The following ANTXRL variants were observed in gnomAD, a reference collection of about 807,000 sequenced individuals.
The protein encoded by ANTXRL is ANTXR like.
ANTXRL carries 63 observed loss-of-function variants against 75.4 expected under a neutral mutation model. The ratio of observed to expected loss-of-function variants is 0.84; its 90% CI spans 0.68 to 1.03. ANTXRL has a LOEUF of 1.03. Ranked by LOEUF, ANTXRL falls within the 50% of genes least tolerant of loss-of-function variation. The pLI is 0.00. For synonymous variants in ANTXRL, 335 were observed against 291.3 expected, an observed-to-expected ratio of 1.15 and a Z score of -1.53; for missense variants, 797 against 789.4, an observed-to-expected ratio of 1.01 and a Z score of -0.12.
chr10:46,306,960 C>T (rs1465028964), intron 11 of ANTXRL, 88 bp downstream of exon 11: 2 of 1,125,688 alleles, frequency 1.8e-6, no homozygotes, highest in Admixed American at 5.5e-5. Context: ...GGATGCCCCC[C>T]ACCCCCTGCT....
intron 1 of ANTXRL, among the ~76,000 whole-genome samples, chr10:46,291,753 T>C (rs1554956545): frequency 6.6e-6 from 1 of 152,138 alleles, no homozygotes; most frequent in Non-Finnish European, 1.5e-5. Flanking sequence ...TCTCTCCCAT[T>C]TCCACTCTAC....
chr10:46,293,507 C>CTGTG (rs781800090), intron 2 of ANTXRL, among the ~76,000 whole-genome samples: 960 of 87,782 alleles, frequency 0.011, 8 homozygotes, highest in Middle Eastern at 0.035. Context: ...GTGTGTGCAC[C>CTGTG]TGTGTGTGTG....
At chr10:46,308,076 C>T (rs542844792) in intron 12 of ANTXRL, among the ~76,000 whole-genome samples, 22 of 152,290 alleles carry the variant, frequency 1.4e-4, no homozygotes, top group African/African-American at 5.1e-4. Context: ...TGGCCCAGGG[C>T]CGCATAGGCA....
intron 10 of ANTXRL, among the ~76,000 whole-genome samples, chr10:46,306,248 A>G (rs1838076920): frequency 6.6e-6 from 1 of 152,206 alleles, no homozygotes; most frequent in South Asian, 2.1e-4. Flanking sequence ...TTGCAACACT[A>G]CACAAAATAA....
chr10:46,300,983 T>C, intron 9 of ANTXRL, among the ~76,000 whole-genome samples: 1 of 149,284 alleles, frequency 6.7e-6, no homozygotes, highest in African/African-American at 2.5e-5. Flanking sequence ...CCTTTATCTC[T>C]CCCACCCCCC....
intron 16 of ANTXRL, among the ~76,000 whole-genome samples, chr10:46,315,018 A>G (rs1165786088): frequency 6.6e-6 from 1 of 152,202 alleles, no homozygotes; most frequent in African/African-American, 2.4e-5. Context: ...TTTCTGTCGG[A>G]TACCCAAGAA....
intron 1 of ANTXRL, among the ~76,000 whole-genome samples, chr10:46,288,271 A>G (rs1411127155): frequency 6.6e-6 from 1 of 152,092 alleles, no homozygotes; most frequent in Non-Finnish European, 1.5e-5. Context: ...CTGGCCTCCA[A>G]AGCCCTTCCC....
rs7093005 is a variant in ANTXRL at position 46,302,836 on chromosome 10, T to A, written c.895+16T>A. ...ACTATCATTGGTAAGTTGTCTCCTC[T>A]GTGCCTCTGAGTCACGTATTTCCCA... On this transcript the variant is annotated intron_variant, in intron 10 of 16. Transcript: ENST00000620264. The A allele has an allele frequency of 0.031, 47,375 of 1,504,482 alleles. 1,689 individuals are homozygous for A. The highest frequency in any genetic ancestry group is 0.17 in the African/African-American group (12,395 of 72,306). 93.2% of individuals were successfully genotyped at this position (1,504,482 alleles called of 1,614,324 possible).
chr10:46,327,944 A>C (rs1433896222), intron 16 of ANTXRL, among the ~76,000 whole-genome samples: 1 of 152,124 alleles, frequency 6.6e-6, no homozygotes, highest in African/African-American at 2.4e-5. Flanking sequence ...CACATCACAG[A>C]TGGGGAGGTC....
At chr10:46,299,829 G>T (rs1383342818) in intron 9 of ANTXRL, among the ~76,000 whole-genome samples, 1 of 152,160 alleles carries the variant, frequency 6.6e-6, no homozygotes, top group African/African-American at 2.4e-5. Context: ...GAGCTGGCAG[G>T]TCCCTGAAAC....
Position 46,310,454 on chromosome 10 carries a change from A to G in ANTXRL, c.1135-7A>G. On this transcript the variant is annotated splice_region_variant and splice_polypyrimidine_tract_variant and intron_variant, in intron 13 of 16. Transcript: ENST00000620264. ...CAGCCTGTGTTTGTCTCTTTTGAAC[A>G]TTCTAGACTGTCAAGGAGCCACCAC... 2 of 1,536,290 alleles carry G rather than the reference A, an allele frequency of 1.3e-6. No individual in the cohort carries two copies. Among genetic ancestry groups the G allele is most frequent in the Non-Finnish European group, 1.7e-6 (2 of 1,146,796 alleles).
At chr10:46,306,399 A>G (rs1349252045) in intron 10 of ANTXRL, among the ~76,000 whole-genome samples, 1 of 152,180 alleles carries the variant, frequency 6.6e-6, no homozygotes, top group African/African-American at 2.4e-5. Flanking sequence ...ATGTTCCTCT[A>G]GACCAGAAAT....
chr10:46,308,632 G>A, intron 12 of ANTXRL: 1 of 350,986 alleles, frequency 2.8e-6, no homozygotes, highest in South Asian at 2.2e-5. Context: ...CCTCACAAGT[G>A]CCCCCAGGGA....
chr10:46,318,405 A>G (rs1379342132), intron 16 of ANTXRL, among the ~76,000 whole-genome samples: 2 of 152,114 alleles, frequency 1.3e-5, no homozygotes, highest in African/African-American at 2.4e-5. Flanking sequence ...CTAGAGCACA[A>G]TGTCAACTTT....
At chr10:46,286,573 A>C (rs1194222551), upstream of ANTXRL, 1 of 152,316 alleles carries the variant, frequency 6.6e-6, no homozygotes. Context: ...GCATAATAAA[A>C]TGGGCCTGTT....
intron 10 of ANTXRL, among the ~76,000 whole-genome samples, chr10:46,305,480 G>A (rs781811724): frequency 6.6e-6 from 1 of 152,182 alleles, no homozygotes; most frequent in Non-Finnish European, 1.5e-5. Flanking sequence ...TGCCATAATT[G>A]TTTTGAAATC....
At position 46,313,475 on chromosome 10, in the gene ANTXRL, G is replaced by A. The variant is rs576742043; in HGVS notation, c.1410+159G>A. 7.4e-4 allele frequency among the ~76,000 whole-genome samples: 113 copies of A among 152,300 alleles called. 1 individual carries two copies. Among genetic ancestry groups the A allele is most frequent in the Middle Eastern group, 6.8e-3 (2 of 294 alleles). On this transcript the variant is annotated intron_variant, in intron 16 of 16. Coordinates refer to ENST00000620264, the MANE Select transcript of ANTXRL (RefSeq NM_001278688.3). ...ACGGTGCCCATGGGCATCCCAGCCA[G>A]TTTCTGGACATGGCATCAAAGCTCT...
chr10:46,307,480 T>A lies in ANTXRL; in HGVS notation c.1044T>A (p.Cys348Ter). Residue 348 changes from cysteine to a stop codon, truncating the protein, a stop_gained and splice_region_variant, in exon 12 of 17, where the codon TGT becomes TGA. Transcript: ENST00000620264. LOFTEE classifies it high-confidence loss of function. ...KSNVSITSTTCGIFRNWLYFV... is the reference protein window; with the variant it reads ...KSNVSITSTT The stretch of plus-strand genomic sequence containing the variant: ...ATGTCAGCATCACCAGCACCACATG[T>A]GTGAGTACCAGCATGGGGCTGCAAA... 1 of 1,535,904 alleles carries A rather than the reference T, an allele frequency of 6.5e-7. No individual in the cohort carries two copies.
At chr10:46,302,628 C>T (rs57149643) in intron 9 of ANTXRL, 94 bp from the exon 10 acceptor site, 11 of 846,798 alleles carry the variant, frequency 1.3e-5, no homozygotes, top group African/African-American at 5.1e-5. Context: ...TCTGTGAATT[C>T]GGTTTTGGGG....
Sources: allele counts gnomAD v4.1 joint callset (sites outside exome capture counted in the v4.1 genomes callset), GRCh38; gene constraint gnomAD v4.1.1; transcripts MANE v1.5; gene names NCBI Gene and HGNC (gene_info 2026-07-23, HGNC 2026-07-21).